PAPSS1: variants seen among roughly 807,000 people sequenced by gnomAD.
PAPSS1 encodes 3'-phosphoadenosine 5'-phosphosulfate synthase 1, also known as bifunctional 3'-phosphoadenosine 5'-phosphosulfate synthase 1.
A neutral mutation model predicts 72.0 loss-of-function variants in PAPSS1; 50 were observed. The observed-to-expected ratio is 0.69, with a 90% CI of 0.55 to 0.88. PAPSS1 has a LOEUF of 0.88. PAPSS1 is among the 40% of genes least tolerant of loss of function. The pLI is 0.00. For missense variants in PAPSS1, 657 were observed against 782.2 expected, an observed-to-expected ratio of 0.84 and a Z score of 1.91; for synonymous variants, 261 against 263.6, an observed-to-expected ratio of 0.99 and a Z score of 0.09.
chr4:107,631,302 T>C (rs1553918401), intron 11 of PAPSS1, among the ~76,000 whole-genome samples: 2 of 152,198 alleles, frequency 1.3e-5, no homozygotes, highest in Non-Finnish European at 1.5e-5. Context: ...TCTCCATACA[T>C]AGACTCCCTG....
At chr4:107,672,388 G>C (rs538715603) in intron 5 of PAPSS1, among the ~76,000 whole-genome samples, 2 of 152,312 alleles carry the variant, frequency 1.3e-5, no homozygotes, top group South Asian at 4.1e-4. Flanking sequence ...CTTTTCCAAC[G>C]GTCTTAGCAA....
At position 107,701,268 on chromosome 4, in the gene PAPSS1, G is replaced by T. The variant is rs1170645046; in HGVS notation, c.78C>A (p.Thr26=). 1 of 1,612,464 alleles carries T rather than the reference G, an allele frequency of 6.2e-7. No individual in the cohort carries two copies. The highest frequency in any genetic ancestry group is 1.7e-5 in the Admixed American group (1 of 59,894). ...CATGATGGGCTTGGTAGGTGACATTGGTTGCTCTCTGCATTCCCTAGAAAA... is the reference window on the plus strand; with the variant it reads ...CATGATGGGCTTGGTAGGTGACATTTGTTGCTCTCTGCATTCCCTAGAAAA... ...NAQNWGMQRA[T]NVTYQAHHVS... The change falls in exon 2 of 12, where the codon ACC becomes ACA. Residue 26 remains threonine, a synonymous_variant. Transcript: ENST00000265174.
At chr4:107,712,681 T>C (rs1278620134) in intron 1 of PAPSS1, among the ~76,000 whole-genome samples, 1 of 152,030 alleles carries the variant, frequency 6.6e-6, no homozygotes, top group Non-Finnish European at 1.5e-5. Context: ...GAGACTATCC[T>C]GGCCAACATT....
At chr4:107,681,250 G>C (rs1288735170) in intron 5 of PAPSS1, among the ~76,000 whole-genome samples, 1 of 152,056 alleles carries the variant, frequency 6.6e-6, no homozygotes, top group East Asian at 1.9e-4. Context: ...TGTACCCCTA[G>C]GTCAGGACTG....
At chr4:107,714,774 G>A (rs939263415) in intron 1 of PAPSS1, among the ~76,000 whole-genome samples, 3 of 152,166 alleles carry the variant, frequency 2.0e-5, no homozygotes, top group East Asian at 1.9e-4. Flanking sequence ...AAAATCTCAC[G>A]ATTGAGAACC....
chr4:107,621,605 TATC>T (rs149936260), intron 11 of PAPSS1, among the ~76,000 whole-genome samples: 1 of 137,520 alleles, frequency 7.3e-6, no homozygotes, highest in African/African-American at 2.8e-5. Flanking sequence ...ACAGGTTTTT[TATC>T]TTTTTTTTTT....
At chr4:107,674,410 A>C (rs1023062460) in intron 5 of PAPSS1, among the ~76,000 whole-genome samples, 1,651 of 152,216 alleles carry the variant, frequency 0.011, 30 homozygotes, top group African/African-American at 0.036. Flanking sequence ...AGACTTGAAA[A>C]CAACAAAGAT....
At chr4:107,653,076 CATATATGAAT>C (rs1410012831) in intron 9 of PAPSS1, among the ~76,000 whole-genome samples, 4 of 149,158 alleles carry the variant, frequency 2.7e-5, no homozygotes, top group African/African-American at 9.8e-5. Flanking sequence ...TATATGAATA[CATATATGAAT>C]ATATATGAAT....
chr4:107,648,050 A>G (rs1726739233), intron 9 of PAPSS1, among the ~76,000 whole-genome samples: 1 of 152,144 alleles, frequency 6.6e-6, no homozygotes, highest in African/African-American at 2.4e-5. Flanking sequence ...CCCAAAGCCT[A>G]TTCCTTCTCC....
chr4:107,705,571 T>A (rs1055792231), intron 1 of PAPSS1, among the ~76,000 whole-genome samples: 24 of 152,252 alleles, frequency 1.6e-4, no homozygotes, highest in Admixed American at 1.1e-3. Context: ...TTTATACCAG[T>A]GTGAAAACGA....
intron 9 of PAPSS1, among the ~76,000 whole-genome samples, chr4:107,645,802 A>C (rs1462676536): frequency 1.3e-5 from 2 of 152,132 alleles, no homozygotes; most frequent in Non-Finnish European, 2.9e-5. Context: ...AATACCTGAC[A>C]AAGCATCATG....
At chr4:107,708,430 T>C (rs935609552) in intron 1 of PAPSS1, among the ~76,000 whole-genome samples, 2 of 152,246 alleles carry the variant, frequency 1.3e-5, no homozygotes, top group Non-Finnish European at 2.9e-5. Context: ...CCTATACTGG[T>C]AGAACCTGTT....
intron 10 of PAPSS1, among the ~76,000 whole-genome samples, chr4:107,637,603 C>T (rs998672475): frequency 4.6e-5 from 7 of 151,890 alleles, no homozygotes; most frequent in Non-Finnish European, 8.8e-5. Flanking sequence ...AATTTAAGTC[C>T]CACTTAAGTG....
At chr4:107,620,582 G>A (rs923895388) in intron 11 of PAPSS1, among the ~76,000 whole-genome samples, 1 of 152,122 alleles carries the variant, frequency 6.6e-6, no homozygotes, top group Admixed American at 6.5e-5. Flanking sequence ...CCAAATAATG[G>A]ACTTCCAGGG....
chr4:107,704,454 T>C (rs1723284442), intron 1 of PAPSS1, among the ~76,000 whole-genome samples: 1 of 152,226 alleles, frequency 6.6e-6, no homozygotes, highest in South Asian at 2.1e-4. Flanking sequence ...CTTTTCCTGT[T>C]TTACCATTGA....
intron 5 of PAPSS1, among the ~76,000 whole-genome samples, chr4:107,676,071 A>G (rs1289406171): frequency 6.6e-6 from 1 of 152,224 alleles, no homozygotes; most frequent in Admixed American, 6.5e-5. Flanking sequence ...ACCCACAGCC[A>G]ATATCATACT....
chr4:107,646,063 T>C (rs1445589204), intron 9 of PAPSS1, among the ~76,000 whole-genome samples: 1 of 152,176 alleles, frequency 6.6e-6, no homozygotes, highest in Non-Finnish European at 1.5e-5. Context: ...GTTACCTTTA[T>C]ACATGAACAG....
chr4:107,644,573 C>T (rs1726642048), intron 10 of PAPSS1, among the ~76,000 whole-genome samples: 1 of 152,216 alleles, frequency 6.6e-6, no homozygotes, highest in African/African-American at 2.4e-5. Flanking sequence ...TCCTTCACAA[C>T]TGGGACCAAG....
In PAPSS1 at chr4:107,631,707, T is replaced by A. The variant is rs1266318963; in HGVS notation, c.1660A>T (p.Thr554Ser). ...KVLTMAPGLITLEIVPFRVAA... is the reference protein window; with the variant it reads ...KVLTMAPGLISLEIVPFRVAA... ...ACTCGAAAGGGAACTATTTCCAAAG[T>A]GATTAAACCAGGGGCCATCGTCAGC... The change falls in exon 11 of 12, where the codon ACT becomes TCT. Residue 554 changes from threonine (T) to serine (S), a missense_variant. Thr to Ser is a moderately conservative substitution (Grantham distance 58). Coordinates refer to ENST00000265174, the MANE Select transcript of PAPSS1 (RefSeq NM_005443.5). The A allele has an allele frequency of 1.2e-6, 2 of 1,613,996 alleles. No individual in the cohort carries two copies. Among genetic ancestry groups the A allele is most frequent in the Non-Finnish European group, 1.7e-6 (2 of 1,180,006 alleles).
Sources: gnomAD v4.1 joint callset for allele counts (sites outside exome capture counted in the v4.1 genomes callset) on GRCh38, gnomAD v4.1.1 for gene constraint, MANE v1.5 for transcripts, NCBI Gene and HGNC (gene_info 2026-07-23, HGNC 2026-07-21) for gene names.